The following OR51B5 variants were observed in gnomAD, a reference collection of about 807,000 sequenced individuals.
OR51B5 encodes the protein olfactory receptor 51B5.
For synonymous variants in OR51B5, 186 were observed against 144.8 expected, an observed-to-expected ratio of 1.28 and a Z score of -2.04; for missense variants, 456 against 374.6, an observed-to-expected ratio of 1.22 and a Z score of -1.79.
chr11:5,362,787 G>A, intron 1 of OR51B5: 2 of 224,928 alleles, frequency 8.9e-6, no homozygotes, highest in Non-Finnish European at 9.2e-6. Context: ...CTCCTTGGTG[G>A]CCTCACTCTT....
chr11:5,413,751 C>T (rs1188426102), intron 1 of OR51B5, among the ~76,000 whole-genome samples: 19 of 151,966 alleles, frequency 1.3e-4, no homozygotes, highest in South Asian at 6.2e-4. Context: ...TAAAAAGAAA[C>T]GAGCAAAGCC....
intron 1 of OR51B5, among the ~76,000 whole-genome samples, chr11:5,413,945 ACTC>A (rs1850191902): frequency 6.8e-6 from 1 of 146,354 alleles, no homozygotes; most frequent in Non-Finnish European, 1.5e-5. Context: ...CCACAAAGAT[ACTC>A]CTCGAGAAGA....
exon 1 of OR51B5, chr11:5,342,957 T>C: frequency 6.2e-7 from 1 of 1,613,674 alleles, no homozygotes; most frequent in South Asian, 1.1e-5. Flanking sequence ...TTGAAGGTGG[T>C]ATCAGCACAG....
intron 1 of OR51B5, among the ~76,000 whole-genome samples, chr11:5,480,801 A>T (rs1418728537): frequency 7.4e-6 from 1 of 134,404 alleles, no homozygotes; most frequent in Non-Finnish European, 1.6e-5. Flanking sequence ...TCCCAAGACT[A>T]AACCAGGAAG....
At chr11:5,438,596 T>A (rs895188339) in intron 1 of OR51B5, among the ~76,000 whole-genome samples, 3 of 152,230 alleles carry the variant, frequency 2.0e-5, no homozygotes, top group Non-Finnish European at 4.4e-5. Flanking sequence ...CTTTTTTAGA[T>A]ATTTAAAATG....
At chr11:5,453,229 T>G in intron 1 of OR51B5, 1 of 317,500 alleles carries the variant, frequency 3.1e-6, no homozygotes, top group East Asian at 5.2e-5. Context: ...ATTGAAGTAT[T>G]TGTCAATGTC....
At chr11:5,436,137 A>T (rs1232573130) in intron 1 of OR51B5, among the ~76,000 whole-genome samples, 1 of 152,240 alleles carries the variant, frequency 6.6e-6, no homozygotes, top group Non-Finnish European at 1.5e-5. Context: ...GAATTAAGTC[A>T]CATTAAGGAC....
At chr11:5,460,270 A>G (rs1851028349) in intron 1 of OR51B5, among the ~76,000 whole-genome samples, 1 of 152,212 alleles carries the variant, frequency 6.6e-6, no homozygotes, top group Admixed American at 6.5e-5. Context: ...GGAGAGGATC[A>G]AAAAGAATTA....
chr11:5,420,454 T>G (rs1255815706), intron 1 of OR51B5, among the ~76,000 whole-genome samples: 7 of 152,088 alleles, frequency 4.6e-5, no homozygotes, highest in Non-Finnish European at 1.0e-4. Flanking sequence ...CATATAGTTT[T>G]TCTTAATCTA....
At chr11:5,454,564 TA>T (rs765471466) in intron 1 of OR51B5, 109 of 674,566 alleles carry the variant, frequency 1.6e-4, no homozygotes, top group Non-Finnish European at 2.5e-4. Flanking sequence ...GCAAAACTTA[TA>T]ACACAAAACA....
At chr11:5,410,477 T>A (rs780653525) in intron 1 of OR51B5, among the ~76,000 whole-genome samples, 5 of 152,172 alleles carry the variant, frequency 3.3e-5, no homozygotes, top group Non-Finnish European at 7.4e-5. Context: ...TTTCACATAA[T>A]GACTTTTCAA....
At chr11:5,444,681 T>C (rs1165822885) in intron 1 of OR51B5, among the ~76,000 whole-genome samples, 1 of 152,148 alleles carries the variant, frequency 6.6e-6, no homozygotes, top group Non-Finnish European at 1.5e-5. Context: ...CATCAGCTCA[T>C]TCTCCTAAGA....
At chr11:5,447,782 G>T (rs1269847823) in intron 1 of OR51B5, among the ~76,000 whole-genome samples, 1 of 73,380 alleles carries the variant, frequency 1.4e-5, no homozygotes, top group Non-Finnish European at 4.1e-5. Context: ...CCAAGTACTA[G>T]TGGTTCAATT....
At chr11:5,370,057 CCT>C (rs1199886231) in intron 1 of OR51B5, among the ~76,000 whole-genome samples, 4 of 152,136 alleles carry the variant, frequency 2.6e-5, no homozygotes, top group Admixed American at 2.6e-4. Context: ...GTTCCACAAA[CCT>C]CTCCTGCCAT....
At chr11:5,352,969 A>C (rs1269981996) in intron 1 of OR51B5, among the ~76,000 whole-genome samples, 1 of 150,758 alleles carries the variant, frequency 6.6e-6, no homozygotes, top group African/African-American at 2.4e-5. Flanking sequence ...ATTTCAGTCA[A>C]TGCCCATTGC....
chr11:5,417,725 T>G (rs2133756508), intron 1 of OR51B5, among the ~76,000 whole-genome samples: 1 of 151,512 alleles, frequency 6.6e-6, no homozygotes, highest in East Asian at 1.9e-4. Context: ...CACAATGAGA[T>G]ATCATCTCAC....
intron 1 of OR51B5, among the ~76,000 whole-genome samples, chr11:5,415,064 T>A (rs1466199453): frequency 1.3e-5 from 2 of 152,104 alleles, no homozygotes; most frequent in South Asian, 4.2e-4. Context: ...ACAGAAATTA[T>A]AACAAACTAT....
rs376221674 is a variant in OR51B5, at chr11:5,360,543, A to G, written n.85-13633T>C. 8.8e-4 allele frequency among the ~76,000 whole-genome samples: 134 copies of G among 151,878 alleles called. 1 individual carries two copies. Among genetic ancestry groups the G allele is most frequent in the African/African-American group, 3.0e-3 (125 of 41,404 alleles). On this transcript the variant is annotated intron_variant and non_coding_transcript_variant, in intron 1 of 4. Transcript: ENST00000415970. ...TAGGAACACTTTTACACTGTTGGTGAGACTGTAAACTAGTTCAACCATTGT... is the reference window on the plus strand; with the variant it reads ...TAGGAACACTTTTACACTGTTGGTGGGACTGTAAACTAGTTCAACCATTGT...
chr11:5,468,429 C>A (rs563280722), intron 1 of OR51B5: 4 of 325,520 alleles, frequency 1.2e-5, no homozygotes, highest in South Asian at 9.9e-5. Context: ...ACCTGGTACA[C>A]CCAAACATCA....
Sources: gnomAD v4.1 joint callset for allele counts (sites outside exome capture counted in the v4.1 genomes callset) on GRCh38, gnomAD v4.1.1 for gene constraint, MANE v1.5 for transcripts, NCBI Gene and HGNC (gene_info 2026-07-23, HGNC 2026-07-21) for gene names.